The following MALRD1 variants were observed in gnomAD, a reference collection of about 807,000 sequenced individuals.
The protein encoded by MALRD1 is MAM and LDL receptor class A domain containing 1, also known as MAM and LDL-receptor class A domain-containing protein 1.
Under a neutral mutation model 242.1 loss-of-function variants are expected in MALRD1, and 247 were observed. That is an observed-to-expected ratio of 1.02 (90% CI 0.92 to 1.13). The LOEUF is 1.13. Among genes scored for constraint, MALRD1 ranks in the 50% most tolerant of loss-of-function variants. The pLI is 0.00. For missense variants in MALRD1, 2,989 were observed against 2,533.1 expected (o/e 1.18, Z -3.86); for synonymous variants, 995 against 866.6 (o/e 1.15, Z -2.60).
At chr10:19,636,948 C>T (rs548370529) in intron 36 of MALRD1, among the ~76,000 whole-genome samples, 21 of 149,472 alleles carry the variant, frequency 1.4e-4, no homozygotes, top group African/African-American at 5.2e-4. Flanking sequence ...TATGACATTA[C>T]TATATTATTT....
chr10:19,597,973 A>T (rs896245372), intron 34 of MALRD1, among the ~76,000 whole-genome samples: 1 of 152,298 alleles, frequency 6.6e-6, no homozygotes, highest in Admixed American at 6.5e-5. Flanking sequence ...TTGCTAGAGC[A>T]GAGCCTGTGG....
intron 21 of MALRD1, among the ~76,000 whole-genome samples, chr10:19,308,507 G>C (rs1018040165): frequency 2.0e-5 from 3 of 151,576 alleles, no homozygotes; most frequent in East Asian, 3.9e-4. Flanking sequence ...CTTGGCCTAG[G>C]GGGAGTCTTA....
At chr10:19,727,089 T>C (rs567387497) in intron 38 of MALRD1, among the ~76,000 whole-genome samples, 11 of 152,318 alleles carry the variant, frequency 7.2e-5, no homozygotes, top group South Asian at 2.1e-4. Flanking sequence ...ATGGCAAATT[T>C]TATGTGATAT....
chr10:19,383,414 G>C (rs1160090664), intron 26 of MALRD1, among the ~76,000 whole-genome samples: 1 of 152,032 alleles, frequency 6.6e-6, no homozygotes, highest in Non-Finnish European at 1.5e-5. Flanking sequence ...AGAATTCTCT[G>C]GTAAATACAT....
At chr10:19,442,420 G>A (rs978104031) in intron 28 of MALRD1, among the ~76,000 whole-genome samples, 3 of 152,176 alleles carry the variant, frequency 2.0e-5, no homozygotes, top group African/African-American at 7.2e-5. Context: ...AATGCTTCCA[G>A]TGTTTGCTCA....
At chr10:19,069,918 C>A (rs1281791416) in intron 2 of MALRD1, among the ~76,000 whole-genome samples, 1 of 152,004 alleles carries the variant, frequency 6.6e-6, no homozygotes, top group African/African-American at 2.4e-5. Context: ...AAGTATTTTG[C>A]TCTTGTTTAT....
intron 25 of MALRD1, among the ~76,000 whole-genome samples, chr10:19,348,446 G>A (rs1382744697): frequency 2.0e-5 from 3 of 150,270 alleles, no homozygotes; most frequent in Non-Finnish European, 4.4e-5. Context: ...GATAGTTAGA[G>A]CCACAAAAAA....
chr10:19,671,604 T>C (rs970372434), intron 36 of MALRD1, among the ~76,000 whole-genome samples: 3 of 151,976 alleles, frequency 2.0e-5, no homozygotes, highest in African/African-American at 7.3e-5. Flanking sequence ...CCAGTCTCGG[T>C]GACACAGCGA....
At chr10:19,360,579 A>G (rs540158013) in intron 26 of MALRD1, among the ~76,000 whole-genome samples, 6 of 152,148 alleles carry the variant, frequency 3.9e-5, no homozygotes, top group Admixed American at 3.3e-4. Context: ...TTCCAATTTC[A>G]GATGTTATAG....
At chr10:19,205,885 G>A (rs898919830) in intron 17 of MALRD1, among the ~76,000 whole-genome samples, 1 of 149,276 alleles carries the variant, frequency 6.7e-6, no homozygotes, top group Admixed American at 6.8e-5. Context: ...GGTACAGTGC[G>A]GAAAATAAGT....
chr10:19,341,993 T>C (rs1006358804), intron 24 of MALRD1, among the ~76,000 whole-genome samples: 1 of 152,118 alleles, frequency 6.6e-6, no homozygotes, highest in African/African-American at 2.4e-5. Context: ...TTATGGCATA[T>C]AACTATATAG....
rs1217955389 is a variant in MALRD1, at chr10:19,103,998, T to A, written c.617T>A (p.Met206Lys). Reference sequence around the variant, plus strand: ...GTGCAGGTTGTTTTTGAAGGTCAAATGGCTTCAACGTATGAACAGGATGAA... The same window carrying A: ...GTGCAGGTTGTTTTTGAAGGTCAAAAGGCTTCAACGTATGAACAGGATGAA... ...QRFQVVFEGQ[M>K]ASTYEQDEVI... is the part of the protein sequence containing the mutation. Residue 206 changes from methionine (M) to lysine (K), a missense_variant, in exon 5 of 40, where the codon ATG (methionine) becomes AAG (lysine). Transcript: ENST00000454679. 5.3e-5 allele frequency: 65 copies of A among 1,233,764 alleles called. No homozygotes were observed. The highest frequency in any genetic ancestry group is 6.4e-5 in the Non-Finnish European group (63 of 988,124). The allele number at this position is 1,233,764 out of a possible 1,614,324, so 76.4% of individuals were successfully genotyped here. A position where few individuals can be genotyped will look rare whatever the true frequency, so the allele number is the denominator to read the frequency against.
At position 19,283,125 on chromosome 10, in the gene MALRD1, C is replaced by T. The variant is rs572803248; in HGVS notation, c.3363C>T (p.Asn1121=). ...DSNTFRWGLG[N]GISIHHGEEN... ...ACACATTCAGGTGGGGGCTTGGGAA[C>T]GGGATCAGCATTCATCATGGGGAAG... The change falls in exon 21 of 40, where the codon AAC becomes AAT. Residue 1121 remains asparagine, a synonymous_variant. Transcript: ENST00000454679. 228 of 1,549,452 alleles carry T rather than the reference C, an allele frequency of 1.5e-4. No homozygotes were observed. The East Asian group carries it at 3.5e-3, about 23-fold the overall frequency.
At chr10:19,266,653 A>G (rs1564514851) in intron 19 of MALRD1, among the ~76,000 whole-genome samples, 1 of 151,980 alleles carries the variant, frequency 6.6e-6, no homozygotes, top group South Asian at 2.1e-4. Flanking sequence ...TAAAAGATAA[A>G]TGTTATTAAA....
At chr10:19,528,369 C>T (rs986110774) in intron 31 of MALRD1, among the ~76,000 whole-genome samples, 2 of 152,086 alleles carry the variant, frequency 1.3e-5, no homozygotes, top group African/African-American at 2.4e-5. Context: ...CCGAGGCGGG[C>T]GGATCACAAG....
chr10:19,702,511 T>A (rs895817721), intron 38 of MALRD1, among the ~76,000 whole-genome samples: 1 of 152,202 alleles, frequency 6.6e-6, no homozygotes, highest in Non-Finnish European at 1.5e-5. Context: ...TATTTTTATA[T>A]TTCTGGTATC....
intron 31 of MALRD1, among the ~76,000 whole-genome samples, chr10:19,504,345 C>T (rs924785009): frequency 1.3e-5 from 2 of 152,130 alleles, no homozygotes; most frequent in African/African-American, 4.8e-5. Flanking sequence ...GCCTGGATCC[C>T]CTTAACCTTC....
At chr10:19,577,433 C>A (rs1236938921) in intron 33 of MALRD1, among the ~76,000 whole-genome samples, 1 of 152,102 alleles carries the variant, frequency 6.6e-6, no homozygotes, top group Non-Finnish European at 1.5e-5. Context: ...GGGAGTAAAA[C>A]CTGGATTCCC....
chr10:19,340,460 T>G (rs904811871), intron 24 of MALRD1, among the ~76,000 whole-genome samples: 3 of 151,870 alleles, frequency 2.0e-5, no homozygotes, highest in African/African-American at 7.3e-5. Flanking sequence ...AGCAGCTACC[T>G]AAGGCATGTT....
Sources: allele counts gnomAD v4.1 joint callset (sites outside exome capture counted in the v4.1 genomes callset), GRCh38; gene constraint gnomAD v4.1.1; transcripts MANE v1.5; gene names NCBI Gene and HGNC (gene_info 2026-07-23, HGNC 2026-07-21).